C11orf58: variants seen among roughly 807,000 people sequenced by gnomAD.
C11orf58 encodes chromosome 11 open reading frame 58.
Under a neutral mutation model 22.7 loss-of-function variants are expected in C11orf58, and 5 were observed. The observed-to-expected ratio is 0.22, with a 90% confidence interval of 0.12 to 0.46. The LOEUF (loss-of-function observed/expected upper bound fraction) is 0.46, where lower values mean the gene tolerates loss of function less well. Among genes scored for constraint, C11orf58 ranks in the 20% least tolerant of loss-of-function variants. C11orf58 has a pLI of 0.99. For synonymous variants in C11orf58, 71 were observed against 70.7 expected (o/e 1.00, Z -0.02); for missense variants, 151 against 223.3 (o/e 0.68, Z 2.06).
At chr11:16,754,048 A>G (rs1848554625) in intron 4 of C11orf58, 1 of 415,784 alleles carries the variant, frequency 2.4e-6, no homozygotes, top group African/African-American at 2.0e-5. Flanking sequence ...TAAGTAAAAT[A>G]TTTCATTTAG....
At chr11:16,741,094 T>TAA (rs10634210) in intron 1 of C11orf58, among the ~76,000 whole-genome samples, 6,500 of 139,052 alleles carry the variant, frequency 0.047, 477 homozygotes, top group African/African-American at 0.16. Context: ...AGACTCTGTT[T>TAA]AAAAAAAAAA....
chr11:16,738,802 C>T lies in C11orf58; in HGVS notation c.24C>T (p.His8=), dbSNP rs1362078766. MSAARES[H]PHGVKRSASP... ...GGATGAGTGCTGCCAGAGAGTCTCACCCGCATGGGGTGAAGCGTTCAGCCT... is the reference window on the plus strand; with the variant it reads ...GGATGAGTGCTGCCAGAGAGTCTCATCCGCATGGGGTGAAGCGTTCAGCCT... The change falls in exon 1 of 5, where the codon CAC becomes CAT. Residue 8 remains histidine, a synonymous_variant. Coordinates refer to ENST00000228136, the MANE Select transcript of C11orf58 (RefSeq NM_014267.6). 2.5e-6 allele frequency: 4 copies of T among 1,614,080 alleles called. No homozygotes were observed. Among genetic ancestry groups the T allele is most frequent in the Non-Finnish European group, 3.4e-6 (4 of 1,180,018 alleles).
rs773135822 is a variant in C11orf58 at position 16,754,905 on chromosome 11, G to A, written c.353G>A (p.Gly118Glu). 6.2e-6 allele frequency: 10 copies of A among 1,613,884 alleles called. No homozygotes were observed. Among genetic ancestry groups the A allele is most frequent in the Non-Finnish European group, 7.6e-6 (9 of 1,179,982 alleles). ...CATGATGGAGAAGGTGATGTGGCTG[G>A]AGATGATGATGATGACGATGATGAT... ...EDHDGEGDVA[G>E]DDDDDDDDSP... The change falls in exon 5 of 5, where the codon GGA (glycine) becomes GAA (glutamate). Residue 118 changes from glycine to glutamate, a missense_variant. Physicochemically the swap from Gly to Glu is moderately conservative, Grantham distance 98. Coordinates refer to ENST00000228136, the MANE Select transcript of C11orf58 (RefSeq NM_014267.6).
In C11orf58 at chr11:16,748,173, G is replaced by C. The variant is rs779742976; in HGVS notation, c.208+16G>C. ...TTCCGAACCGGTAAGAAAGTAAAGTGTAATTAAAATGGAAGTGCTAAATTC... is the reference window on the plus strand; with the variant it reads ...TTCCGAACCGGTAAGAAAGTAAAGTCTAATTAAAATGGAAGTGCTAAATTC... On this transcript the variant is annotated intron_variant, in intron 3 of 4. Transcript: ENST00000228136. 1.9e-6 allele frequency: 3 copies of C among 1,599,348 alleles called. No homozygotes were observed. The highest frequency in any genetic ancestry group is 1.1e-5 in the South Asian group (1 of 90,760).
In C11orf58 at chr11:16,738,665, C is replaced by A; in HGVS notation, c.-114C>A. 1 of 1,190,804 alleles carries A rather than the reference C, an allele frequency of 8.4e-7. No homozygotes were observed. 73.8% of individuals were successfully genotyped at this position (1,190,804 alleles called of 1,614,324 possible). A position where few individuals can be genotyped will look rare whatever the true frequency, so the allele number is the denominator to read the frequency against. On this transcript the variant is annotated 5_prime_UTR_variant, in exon 1 of 5. Transcript: ENST00000228136. ...CTGTGGCAGAGAAGGCCCGGAGGGG[C>A]TCTGCGTTCTGTAGTGGCGCTGCTT...
At position 16,757,340 on chromosome 11, in the gene C11orf58, C is replaced by G. The variant is rs541692185; in HGVS notation, c.*2236C>G. ...TTGGGTTGTTGATATGGTCTTGTTT[C>G]TGATAAGGAAATAGGAGCAACTTGT... On this transcript the variant is annotated 3_prime_UTR_variant, in exon 5 of 5. Transcript: ENST00000228136. Among the ~76,000 whole-genome samples the G allele has an allele frequency of 2.0e-4, 31 of 152,198 alleles. No homozygotes were observed. The highest frequency in any genetic ancestry group is 7.2e-4 in the African/African-American group (30 of 41,494).
At chr11:16,743,921 G>C (rs1468973985) in intron 1 of C11orf58, among the ~76,000 whole-genome samples, 1 of 151,992 alleles carries the variant, frequency 6.6e-6, no homozygotes, top group Non-Finnish European at 1.5e-5. Flanking sequence ...GGACTCATTT[G>C]ATAATTGCAA....
At chr11:16,739,445 C>T (rs1457603893) in intron 1 of C11orf58, 1 of 152,898 alleles carries the variant, frequency 6.5e-6, no homozygotes, top group Non-Finnish European at 1.5e-5. Flanking sequence ...ATATTAATAC[C>T]TCGTTCTTCT....
At chr11:16,754,613 A>G (rs1207547534) in intron 4 of C11orf58, among the ~76,000 whole-genome samples, 2 of 102,064 alleles carry the variant, frequency 2.0e-5, no homozygotes, top group African/African-American at 7.8e-5. Flanking sequence ...TATGTTGCCC[A>G]GGCTGGTCTC....
chr11:16,746,363 C>T (rs1848487308), intron 2 of C11orf58, among the ~76,000 whole-genome samples: 1 of 152,206 alleles, frequency 6.6e-6, no homozygotes, highest in African/African-American at 2.4e-5. Flanking sequence ...TAAGTCCTCA[C>T]TTAACATCCC....
At chr11:16,754,432 G>C (rs575065857) in intron 4 of C11orf58, among the ~76,000 whole-genome samples, 8 of 148,200 alleles carry the variant, frequency 5.4e-5, no homozygotes, top group Admixed American at 1.3e-4. Context: ...CTAGGCTCAA[G>C]CAATCCTCCC....
chr11:16,748,155 C>G lies in C11orf58; in HGVS notation c.206C>G (p.Thr69Ser). 2 of 1,610,216 alleles carry G rather than the reference C, an allele frequency of 1.2e-6. No individual in the cohort carries two copies. The highest frequency in any genetic ancestry group is 1.3e-5 in the African/African-American group (1 of 74,876). ...GDHKSTSHFR[T>S]GEEDKKINEE... ...CACAAATCAACATCTCACTTCCGAA[C>G]CGGTAAGAAAGTAAAGTGTAATTAA... Residue 69 changes from threonine to serine, a missense_variant and splice_region_variant, in exon 3 of 5, where the codon ACC becomes AGC. Physicochemically the swap from Thr to Ser is moderately conservative, Grantham distance 58 (BLOSUM62 1). Coordinates refer to ENST00000228136, the MANE Select transcript of C11orf58 (RefSeq NM_014267.6).
intron 4 of C11orf58, among the ~76,000 whole-genome samples, chr11:16,753,422 G>A (rs1244761128): frequency 6.6e-6 from 1 of 151,290 alleles, no homozygotes; most frequent in Non-Finnish European, 1.5e-5. Context: ...CTGGGGTGCA[G>A]TGGCTCCATC....
chr11:16,750,107 A>G (rs1023322270), intron 3 of C11orf58: 3 of 152,256 alleles, frequency 2.0e-5, no homozygotes, highest in African/African-American at 7.2e-5. Flanking sequence ...AGACTCTAAT[A>G]CTGCCAACAA....
chr11:16,752,760 T>A (rs1564884974), intron 3 of C11orf58, 25 bp from the exon 4 acceptor site: 2 of 1,507,266 alleles, frequency 1.3e-6, no homozygotes, highest in African/African-American at 1.4e-5. Flanking sequence ...GACTGAAACA[T>A]AACTAAAGTA....
chr11:16,738,770 C>T lies in C11orf58; in HGVS notation c.-9C>T. On this transcript the variant is annotated 5_prime_UTR_variant, in exon 1 of 5. Coordinates refer to ENST00000228136, the MANE Select transcript of C11orf58 (RefSeq NM_014267.6). ...GGGTTCGGCATTTTTCGTCGGGATC[C>T]CCGCAAGGATGAGTGCTGCCAGAGA... is the stretch of plus-strand genomic sequence containing the variant. 1 of 1,613,598 alleles carries T rather than the reference C, an allele frequency of 6.2e-7. No individual in the cohort carries two copies. The highest frequency in any genetic ancestry group is 8.5e-7 in the Non-Finnish European group (1 of 1,179,882).
chr11:16,751,126 A>G (rs1300166196), intron 3 of C11orf58: 1 of 152,174 alleles, frequency 6.6e-6, no homozygotes, highest in East Asian at 1.9e-4. Context: ...TTTTTCAGTT[A>G]CAATAGCTGC....
chr11:16,750,275 G>A (rs1848522435), intron 3 of C11orf58: 2 of 152,228 alleles, frequency 1.3e-5, no homozygotes, highest in African/African-American at 4.8e-5. Context: ...TCACCACATG[G>A]AGACCAAACA....
At position 16,755,176 on chromosome 11, in the gene C11orf58, G is replaced by T; in HGVS notation, c.*72G>T. The T allele has an allele frequency of 6.7e-7, 1 of 1,500,188 alleles. No homozygotes were observed. The highest frequency in any genetic ancestry group is 9.0e-7 in the Non-Finnish European group (1 of 1,106,424). 92.9% of individuals were successfully genotyped at this position (1,500,188 alleles called of 1,614,324 possible). On this transcript the variant is annotated 3_prime_UTR_variant, in exon 5 of 5. Coordinates refer to ENST00000228136, the MANE Select transcript of C11orf58 (RefSeq NM_014267.6). ...AATGCACAGTGGAGGACTGCTTATAGAGCACAGACCTTTGTATTATAATTT... is the reference window on the plus strand; with the variant it reads ...AATGCACAGTGGAGGACTGCTTATATAGCACAGACCTTTGTATTATAATTT...
Sources: allele counts gnomAD v4.1 joint callset (sites outside exome capture counted in the v4.1 genomes callset), GRCh38; gene constraint gnomAD v4.1.1; transcripts MANE v1.5; gene names NCBI Gene and HGNC (gene_info 2026-07-23, HGNC 2026-07-21).